SNTA1: variants seen among roughly 807,000 people sequenced by gnomAD.
SNTA1 encodes syntrophin alpha 1.
SNTA1 carries 31 observed loss-of-function variants against 47.1 expected under a neutral mutation model. The observed-to-expected ratio is 0.66, with a 90% CI of 0.49 to 0.89. The LOEUF (loss-of-function observed/expected upper bound fraction) is 0.89. SNTA1 is among the 40% of genes least tolerant of loss of function. The probability of loss-of-function intolerance (pLI) is 0.00; values close to 1 mark genes in which losing one functional copy is unlikely to be tolerated. For missense variants in SNTA1, 575 were observed against 693.0 expected, an observed-to-expected ratio of 0.83 and a Z score of 1.91; for synonymous variants, 300 against 313.6, an observed-to-expected ratio of 0.96 and a Z score of 0.46.
At chr20:33,408,621 G>C in intron 7 of SNTA1, 22 bp from the exon 8 acceptor site, 1 of 1,612,438 alleles carries the variant, frequency 6.2e-7, no homozygotes, top group Non-Finnish European at 8.5e-7. Context: ...ATGGAGAGAA[G>C]AGTCAGGGCC....
At chr20:33,412,160 C>T in intron 5 of SNTA1, 136 bp downstream of exon 5, 1 of 947,796 alleles carries the variant, frequency 1.1e-6, no homozygotes. Flanking sequence ...GAGGCCCAGA[C>T]AGGGCAGAGA....
In SNTA1 at chr20:33,443,557, C is replaced by T. The variant is rs950506561; in HGVS notation, c.64G>A (p.Gly22Arg). 5.3e-6 allele frequency: 7 copies of T among 1,330,658 alleles called. No individual in the cohort carries two copies. The highest frequency in any genetic ancestry group is 6.8e-6 in the Non-Finnish European group (7 of 1,033,346). 82.4% of individuals were successfully genotyped at this position (1,330,658 alleles called of 1,614,324 possible). ...LLELRAGAGS[G>R]AGGERWQRVL... is the part of the protein sequence containing the mutation. The stretch of plus-strand genomic sequence containing the variant: ...CGCTGCCATCGCTCGCCGCCGGCCC[C>T]CGAGCCCGCCCCGGCGCGCAGCTCC... Residue 22 changes from glycine to arginine, a missense_variant, in exon 1 of 8, where the codon GGG (glycine) becomes AGG (arginine). Gly to Arg is a moderately radical substitution (Grantham distance 125). Coordinates refer to ENST00000217381, the MANE Select transcript of SNTA1 (RefSeq NM_003098.3).
intron 2 of SNTA1, among the ~76,000 whole-genome samples, chr20:33,425,041 A>T (rs1167796791): frequency 6.6e-6 from 1 of 151,336 alleles, no homozygotes; most frequent in Non-Finnish European, 1.5e-5. Context: ...GCTTGAACCC[A>T]GGAAGCAGAG....
chr20:33,443,291 C>T lies in SNTA1; in HGVS notation c.310+20G>A. On this transcript the variant is annotated intron_variant, in intron 1 of 7. Transcript: ENST00000217381. Reference sequence around the variant, plus strand: ...GCCCCCAGACACCACGACCCCGCGCCCTCGGTGTCCCGCGCCCACCTTTGA... The same window carrying T: ...GCCCCCAGACACCACGACCCCGCGCTCTCGGTGTCCCGCGCCCACCTTTGA... The T allele has an allele frequency of 6.7e-6, 10 of 1,500,712 alleles. No individual in the cohort carries two copies. The highest frequency in any genetic ancestry group is 8.0e-6 in the Non-Finnish European group (9 of 1,130,660). 93.0% of individuals were successfully genotyped at this position (1,500,712 alleles called of 1,614,324 possible). A position where few individuals can be genotyped will look rare whatever the true frequency, so the allele number is the denominator to read the frequency against.
intron 2 of SNTA1, among the ~76,000 whole-genome samples, chr20:33,430,172 C>T (rs955974055): frequency 1.3e-5 from 2 of 152,016 alleles, no homozygotes; most frequent in South Asian, 2.1e-4. Context: ...ACTTATTGAG[C>T]GCCTACTATA....
In SNTA1 at chr20:33,410,413, G is replaced by A. The variant is rs73270013; in HGVS notation, c.1041-82C>T. 5.3e-4 allele frequency: 468 copies of A among 884,636 alleles called. 1 individual carries two copies. In the African/African-American group the frequency reaches 6.9e-3, roughly 13 times the overall value. The allele number at this position is 884,636 out of a possible 1,614,324, so 54.8% of individuals were successfully genotyped here. A position where few individuals can be genotyped will look rare whatever the true frequency, so the allele number is the denominator to read the frequency against. On this transcript the variant is annotated intron_variant, in intron 5 of 7. Coordinates refer to ENST00000217381, the MANE Select transcript of SNTA1 (RefSeq NM_003098.3). ...CTGGGCAAAGGGGCCAGTGACCTGG[G>A]AAGAAACCCTGTAAATCCTTTACCA...
At chr20:33,411,170 C>G (rs547197580) in intron 5 of SNTA1, among the ~76,000 whole-genome samples, 10 of 152,074 alleles carry the variant, frequency 6.6e-5, no homozygotes, top group South Asian at 2.1e-4. Flanking sequence ...CAGTTCCCCC[C>G]GCCACAGACT....
chr20:33,418,785 T>C (rs1989942653), intron 2 of SNTA1, among the ~76,000 whole-genome samples: 1 of 74,618 alleles, frequency 1.3e-5, no homozygotes, highest in Non-Finnish European at 2.4e-5. Flanking sequence ...ATAACAAGAC[T>C]CTGTCTCAAA....
Position 33,438,351 on chromosome 20 carries a change from G to A in SNTA1, c.496+490C>T, listed in dbSNP as rs75659035. Among the ~76,000 whole-genome samples the A allele has an allele frequency of 7.1e-3, 1,086 of 152,112 alleles. 13 individuals are homozygous for A. Among genetic ancestry groups the A allele is most frequent in the South Asian group, 0.013 (64 of 4,806 alleles). ...CCAAGGCTTCTCCCAAAGGAGGATG[G>A]GTCTTGGGGTTTTAAGGCCCAGGCA... On this transcript the variant is annotated intron_variant, in intron 2 of 7. Coordinates refer to ENST00000217381, the MANE Select transcript of SNTA1 (RefSeq NM_003098.3).
At position 33,408,415 on chromosome 20, in the gene SNTA1, C is replaced by G; in HGVS notation, c.*92G>C. 1 of 919,444 alleles carries G rather than the reference C, an allele frequency of 1.1e-6. No individual in the cohort carries two copies. The highest frequency in any genetic ancestry group is 1.8e-6 in the Non-Finnish European group (1 of 561,344). The allele number at this position is 919,444 out of a possible 1,614,324, so 57.0% of individuals were successfully genotyped here. On this transcript the variant is annotated 3_prime_UTR_variant, in exon 8 of 8. Transcript: ENST00000217381. ...GCCCTTGTTCCTCTCCTCTCCCTTC[C>G]CTCAGCCCAGGGGTGAGCAGGCAGT...
intron 2 of SNTA1, among the ~76,000 whole-genome samples, chr20:33,419,097 G>A (rs541727963): frequency 2.6e-5 from 4 of 151,676 alleles, no homozygotes; most frequent in Admixed American, 6.6e-5. Flanking sequence ...GATGAAGTGC[G>A]ACTGCCTCAA....
At chr20:33,435,422 C>A (rs1305301321) in intron 2 of SNTA1, among the ~76,000 whole-genome samples, 3 of 151,760 alleles carry the variant, frequency 2.0e-5, no homozygotes, top group Non-Finnish European at 4.4e-5. Flanking sequence ...CATGGCAAAA[C>A]CCTGTCTCTA....
chr20:33,420,755 G>T (rs1989997342), intron 2 of SNTA1, among the ~76,000 whole-genome samples: 1 of 152,144 alleles, frequency 6.6e-6, no homozygotes, highest in Non-Finnish European at 1.5e-5. Flanking sequence ...CACAGTGGGT[G>T]GATCGCTTGA....
At position 33,412,687 on chromosome 20, in the gene SNTA1, G is replaced by A; in HGVS notation, c.797C>T (p.Ala266Val). ...CCGCGGCGTCAGAGTATTGACCTGGGCTTGGATGGCAGTCGCCCACGACCT... is the reference window on the plus strand; with the variant it reads ...CCGCGGCGTCAGAGTATTGACCTGGACTTGGATGGCAGTCGCCCACGACCT... ...SARSWATAIQ[A>V]QVNTLTPRVK... Residue 266 changes from alanine (A) to valine (V), a missense_variant, in exon 4 of 8, where the codon GCC becomes GTC. Ala to Val is a moderately conservative substitution (Grantham distance 64). Transcript: ENST00000217381. The A allele has an allele frequency of 6.2e-7, 1 of 1,613,844 alleles. No individual in the cohort carries two copies. The highest frequency in any genetic ancestry group is 8.5e-7 in the Non-Finnish European group (1 of 1,180,004).
chr20:33,443,155 G>C (rs2146814114), intron 1 of SNTA1, among the ~76,000 whole-genome samples, 156 bp downstream of exon 1: 1 of 151,016 alleles, frequency 6.6e-6, no homozygotes, highest in Non-Finnish European at 1.5e-5. Context: ...CTCCAACCTT[G>C]GTGTGCCCAG....
intron 6 of SNTA1, 52 bp from the exon 7 acceptor site, chr20:33,408,940 C>A: frequency 2.0e-6 from 3 of 1,511,060 alleles, no homozygotes; most frequent in Non-Finnish European, 2.8e-6. Flanking sequence ...AGAGACTACA[C>A]CCCAACCTCC....
At chr20:33,421,808 T>C (rs1174240360) in intron 2 of SNTA1, among the ~76,000 whole-genome samples, 1 of 149,444 alleles carries the variant, frequency 6.7e-6, no homozygotes, top group Non-Finnish European at 1.5e-5. Flanking sequence ...ACACAAAACA[T>C]TAGCCAGGCA....
In SNTA1 at chr20:33,438,826, A is replaced by G; in HGVS notation, c.496+15T>C. On this transcript the variant is annotated intron_variant, in intron 2 of 7. Transcript: ENST00000217381. ...TCCACCCAGCCCCTCTGAACCCTGG[A>G]ACGTCAGTGCTTACCCTCCAGCACC... 6.2e-7 allele frequency: 1 copy of G among 1,610,904 alleles called. No homozygotes were observed. The highest frequency in any genetic ancestry group is 8.5e-7 in the Non-Finnish European group (1 of 1,177,996).
At chr20:33,413,758 A>G (rs976344324) in intron 3 of SNTA1, among the ~76,000 whole-genome samples, 1 of 151,764 alleles carries the variant, frequency 6.6e-6, no homozygotes, top group Non-Finnish European at 1.5e-5. Flanking sequence ...TGAGACACTC[A>G]TCTCTAAAAA....
Sources: allele counts gnomAD v4.1 joint callset (sites outside exome capture counted in the v4.1 genomes callset), GRCh38; gene constraint gnomAD v4.1.1; transcripts MANE v1.5; gene names NCBI Gene and HGNC (gene_info 2026-07-23, HGNC 2026-07-21).